The following HDGFL2 variants were observed in gnomAD, a reference collection of about 807,000 sequenced individuals.
The protein encoded by HDGFL2 is hepatoma-derived growth factor-related protein 2.
HDGFL2 carries 36 observed loss-of-function variants against 77.1 expected under a neutral mutation model. The observed-to-expected ratio is 0.47, with a 90% CI of 0.36 to 0.62. The LOEUF (loss-of-function observed/expected upper bound fraction) is 0.62. Ranked by LOEUF, HDGFL2 falls within the 20% of genes least tolerant of loss-of-function variation. The probability of loss-of-function intolerance (pLI) is 0.00; values close to 1 mark genes in which losing one functional copy is unlikely to be tolerated. For synonymous variants in HDGFL2, 463 were observed against 413.1 expected (o/e 1.12, Z -1.46); for missense variants, 976 against 973.4 (o/e 1.00, Z -0.04).
intron 3 of HDGFL2, among the ~76,000 whole-genome samples, chr19:4,486,913 G>A (rs1385005517): frequency 1.3e-5 from 2 of 151,742 alleles, no homozygotes; most frequent in Admixed American, 1.3e-4. Context: ...CTGTAAAAAT[G>A]TCACATCCTC....
At chr19:4,473,778 T>A (rs1024675118) in intron 1 of HDGFL2, among the ~76,000 whole-genome samples, 1 of 151,722 alleles carries the variant, frequency 6.6e-6, no homozygotes, top group African/African-American at 2.4e-5. Flanking sequence ...GCATCGGGAC[T>A]GTTGGGGGAC....
At chr19:4,472,705 G>T (rs1006243049) in intron 1 of HDGFL2, among the ~76,000 whole-genome samples, 16 of 150,966 alleles carry the variant, frequency 1.1e-4, no homozygotes, top group African/African-American at 3.9e-4. Context: ...GCCTCAGGGA[G>T]CCCCGCCCTC....
At chr19:4,481,054 C>T (rs111436638) in intron 3 of HDGFL2, among the ~76,000 whole-genome samples, 3,582 of 150,788 alleles carry the variant, frequency 0.024, 129 homozygotes, top group African/African-American at 0.083. Context: ...AAGAGTCTCA[C>T]TCTGTCGCCC....
intron 3 of HDGFL2, among the ~76,000 whole-genome samples, chr19:4,484,088 CTTT>C (rs577665698): frequency 3.3e-5 from 4 of 122,674 alleles, no homozygotes; most frequent in Non-Finnish European, 3.4e-5. Context: ...TGCACCCGGC[CTTT>C]TTTTTTTTTT....
rs769777082 is a variant in HDGFL2 at position 4,501,419 on chromosome 19, G to A, written c.1916+102G>A. 48 of 1,364,354 alleles carry A rather than the reference G, an allele frequency of 3.5e-5. No individual in the cohort carries two copies. In the South Asian group the frequency reaches 6.3e-4, roughly 18 times the overall value. 84.5% of individuals were successfully genotyped at this position (1,364,354 alleles called of 1,614,324 possible). ...TCCTGTGCCAGTCCCTCTGGGATGG[G>A]TCCCAGGGATGTCGTCCTTACTCGG... On this transcript the variant is annotated intron_variant, in intron 15 of 15. Transcript: ENST00000616600.
chr19:4,498,046 C>A lies in HDGFL2; in HGVS notation c.1402+15C>A. ...GAAGAAGAAAGGTGAGGCCTGGCTGCCCAGCACTGCCCACACTGAGTTCAC... is the reference window on the plus strand; with the variant it reads ...GAAGAAGAAAGGTGAGGCCTGGCTGACCAGCACTGCCCACACTGAGTTCAC... On this transcript the variant is annotated intron_variant, in intron 11 of 15. Transcript: ENST00000616600. 6.5e-7 allele frequency: 1 copy of A among 1,547,770 alleles called. No homozygotes were observed. The highest frequency in any genetic ancestry group is 8.7e-7 in the Non-Finnish European group (1 of 1,143,332).
rs562007721 is a variant in HDGFL2 at position 4,473,369 on chromosome 19, T to C, written c.72+947T>C. ...GGCCCAGAGGGAGCCACGCCTCGTGTGTCTGGGGGTGTCCAGGGTGCCTCA... is the reference window on the plus strand; with the variant it reads ...GGCCCAGAGGGAGCCACGCCTCGTGCGTCTGGGGGTGTCCAGGGTGCCTCA... On this transcript the variant is annotated intron_variant, in intron 1 of 15. Coordinates refer to ENST00000616600, the MANE Select transcript of HDGFL2 (RefSeq NM_001001520.3). Among the ~76,000 whole-genome samples, 885 of 148,698 alleles carry C rather than the reference T, an allele frequency of 6.0e-3. 4 individuals carry two copies. The highest frequency in any genetic ancestry group is 9.9e-3 in the Non-Finnish European group (660 of 66,954).
At chr19:4,472,818 G>A (rs569310175) in intron 1 of HDGFL2, among the ~76,000 whole-genome samples, 243 of 150,764 alleles carry the variant, frequency 1.6e-3, no homozygotes, top group African/African-American at 5.4e-3. Flanking sequence ...CCCCTCCCGG[G>A]GTCTGGGGGT....
chr19:4,500,741 G>A (rs542498013), intron 14 of HDGFL2, among the ~76,000 whole-genome samples: 125 of 152,186 alleles, frequency 8.2e-4, no homozygotes, highest in Non-Finnish European at 1.4e-3. Flanking sequence ...GATTACAGGC[G>A]TGAGCCACTG....
intron 6 of HDGFL2, 105 bp from the exon 7 acceptor site, chr19:4,493,598 C>T (rs1975607005): frequency 7.8e-7 from 1 of 1,276,598 alleles, no homozygotes; most frequent in Non-Finnish European, 1.0e-6. Flanking sequence ...CCGAGGCCCG[C>T]AGAGCCTGGC....
intron 3 of HDGFL2, among the ~76,000 whole-genome samples, chr19:4,481,460 G>T (rs1019035788): frequency 6.6e-6 from 1 of 151,970 alleles, no homozygotes; most frequent in Non-Finnish European, 1.5e-5. Context: ...AAAGTGCTGG[G>T]ATTACAGGCT....
At chr19:4,496,511 A>G (rs567102199) in intron 10 of HDGFL2, 106 bp downstream of exon 10, 7 of 845,186 alleles carry the variant, frequency 8.3e-6, no homozygotes, top group Middle Eastern at 3.4e-4. Context: ...TCAGCCTTGG[A>G]GCCGGACCCG....
Position 4,502,166 on chromosome 19 carries a change from A to G in HDGFL2, c.*156A>G. Reference sequence around the variant, plus strand: ...TTCCTGCCTAATTTCTGTGATTTCCAACCAACATGAAATGACTATAAATGG... The same window carrying G: ...TTCCTGCCTAATTTCTGTGATTTCCGACCAACATGAAATGACTATAAATGG... On this transcript the variant is annotated 3_prime_UTR_variant, in exon 16 of 16. Coordinates refer to ENST00000616600, the MANE Select transcript of HDGFL2 (RefSeq NM_001001520.3). 2.9e-6 allele frequency: 2 copies of G among 691,966 alleles called. No individual in the cohort carries two copies. The highest frequency in any genetic ancestry group is 3.2e-5 in the South Asian group (2 of 62,910). 42.9% of individuals were successfully genotyped at this position (691,966 alleles called of 1,614,324 possible). A position where few individuals can be genotyped will look rare whatever the true frequency, so the allele number is the denominator to read the frequency against.
At chr19:4,500,675 A>T (rs1302719353) in intron 14 of HDGFL2, among the ~76,000 whole-genome samples, 1 of 152,096 alleles carries the variant, frequency 6.6e-6, no homozygotes, top group African/African-American at 2.4e-5. Flanking sequence ...GTTATCCAGG[A>T]TGGTGTCAAT....
At chr19:4,479,601 AAG>A (rs1181093417) in intron 3 of HDGFL2, among the ~76,000 whole-genome samples, 2 of 143,134 alleles carry the variant, frequency 1.4e-5, no homozygotes, top group African/African-American at 5.2e-5. Context: ...AAAAGAAAGA[AAG>A]AAACCCCGCC....
At chr19:4,492,773 CTA>C (rs1568212801) in intron 6 of HDGFL2, among the ~76,000 whole-genome samples, 1 of 109,824 alleles carries the variant, frequency 9.1e-6, no homozygotes, top group East Asian at 2.4e-4. Context: ...GTGTCTGTGT[CTA>C]TGGTGTGTCT....
At chr19:4,474,972 A>C (rs1300511382) in intron 1 of HDGFL2, 1 of 331,486 alleles carries the variant, frequency 3.0e-6, no homozygotes, top group Non-Finnish European at 5.7e-6. Context: ...GAGTCCATAG[A>C]CGCTGAGCTT....
At chr19:4,482,026 C>CTTTTTTTTTTTTTTTTT (rs34398630) in intron 3 of HDGFL2, among the ~76,000 whole-genome samples, 1 of 71,664 alleles carries the variant, frequency 1.4e-5, no homozygotes, top group Non-Finnish European at 2.4e-5. Context: ...TGGCTTTGGC[C>CTTTTTTTTTTTTTTTTT]TTTTTTTTTT....
chr19:4,490,743 G>T (rs1329031394), intron 4 of HDGFL2, among the ~76,000 whole-genome samples: 1 of 151,770 alleles, frequency 6.6e-6, no homozygotes, highest in African/African-American at 2.4e-5. Flanking sequence ...GAGAGAATTT[G>T]GAAAAAATAC....
Sources: gnomAD v4.1 joint callset for allele counts (sites outside exome capture counted in the v4.1 genomes callset) on GRCh38, gnomAD v4.1.1 for gene constraint, MANE v1.5 for transcripts, NCBI Gene and HGNC (gene_info 2026-07-23, HGNC 2026-07-21) for gene names.